MAP3K8: variants seen among roughly 807,000 people sequenced by gnomAD.
The protein encoded by MAP3K8 is Ewing sarcoma transformant.
MAP3K8 carries 22 observed loss-of-function variants against 45.8 expected under a neutral mutation model. The observed-to-expected ratio is 0.48, with a 90% CI of 0.34 to 0.69. The LOEUF (loss-of-function observed/expected upper bound fraction) is 0.69. MAP3K8 is among the 30% of genes least tolerant of loss of function. The pLI is 0.01. For synonymous variants in MAP3K8, 223 were observed against 214.3 expected (o/e 1.04, Z -0.36); for missense variants, 419 against 585.0 (o/e 0.72, Z 2.93).
chr10:30,448,111 G>A (rs1001114541), intron 4 of MAP3K8, among the ~76,000 whole-genome samples, 162 bp downstream of exon 4: 2 of 152,090 alleles, frequency 1.3e-5, no homozygotes, highest in Admixed American at 6.5e-5. Context: ...TTGGCTACTT[G>A]GGGCCATTCA....
chr10:30,441,331 AT>A (rs1324049494), intron 3 of MAP3K8, among the ~76,000 whole-genome samples: 1 of 151,832 alleles, frequency 6.6e-6, no homozygotes, highest in Non-Finnish European at 1.5e-5. Context: ...TAATTTTTGT[AT>A]GTTTAGTAGA....
chr10:30,437,367 T>C lies in MAP3K8; in HGVS notation c.-63T>C. ...CCCTGACACTGCACTGAGCACTTTA[T>C]GAGCTTGAACTCTGTTAATCCTCAC... is the stretch of plus-strand genomic sequence containing the variant. On this transcript the variant is annotated 5_prime_UTR_variant, in exon 2 of 9. It removes an upstream start codon present in the reference 5' UTR. Coordinates refer to ENST00000263056, the MANE Select transcript of MAP3K8 (RefSeq NM_005204.4). 3.2e-6 allele frequency: 3 copies of C among 943,882 alleles called. No individual in the cohort carries two copies. Among genetic ancestry groups the C allele is most frequent in the Non-Finnish European group, 3.8e-6 (3 of 791,972 alleles). The allele number at this position is 943,882 out of a possible 1,614,324, so 58.5% of individuals were successfully genotyped here. A position where few individuals can be genotyped will look rare whatever the true frequency, so the allele number is the denominator to read the frequency against.
chr10:30,458,590 T>C (rs1836829091), intron 7 of MAP3K8, among the ~76,000 whole-genome samples: 1 of 152,248 alleles, frequency 6.6e-6, no homozygotes, highest in South Asian at 2.1e-4. Flanking sequence ...ATTATTAATG[T>C]TCACACCAGT....
intron 6 of MAP3K8, among the ~76,000 whole-genome samples, chr10:30,455,996 C>T (rs1169074722): frequency 6.6e-6 from 1 of 152,148 alleles, no homozygotes; most frequent in Non-Finnish European, 1.5e-5. Flanking sequence ...ACAGATGTTC[C>T]ATCCCCCCAG....
At chr10:30,457,532 T>G (rs1836778594) in intron 6 of MAP3K8, among the ~76,000 whole-genome samples, 1 of 152,220 alleles carries the variant, frequency 6.6e-6, no homozygotes, top group Non-Finnish European at 1.5e-5. Flanking sequence ...AGTTGAAAAC[T>G]TAGCTACACC....
Position 30,459,322 on chromosome 10 carries a change from T to C in MAP3K8, c.1094T>C (p.Ile365Thr). 6.2e-7 allele frequency: 1 copy of C among 1,614,118 alleles called. No individual in the cohort carries two copies. Among genetic ancestry groups the C allele is most frequent in the Non-Finnish European group, 8.5e-7 (1 of 1,180,012 alleles). ...TGCAGTCCAGGGATGAGAGAGCTGA[T>C]AGAAGCTTCCCTGGAGAGAAACCCC... ...DDCSPGMREL[I>T]EASLERNPNH... The change falls in exon 8 of 9, where the codon ATA becomes ACA. Residue 365 changes from isoleucine to threonine, a missense_variant. This residue lies in a region of MAP3K8 where 209 missense variants were observed against 367.3 expected (regional missense o/e 0.57). Coordinates refer to ENST00000263056, the MANE Select transcript of MAP3K8 (RefSeq NM_005204.4).
At chr10:30,438,866 G>C (rs1835998865) in intron 2 of MAP3K8, 50 bp from the exon 3 acceptor site, 32 of 1,023,776 alleles carry the variant, frequency 3.1e-5, no homozygotes, top group Non-Finnish European at 4.5e-5. Flanking sequence ...CATGGGTCTT[G>C]AATGCAAATA....
rs1835940532 is a variant in MAP3K8, at chr10:30,437,175, G to A, written c.-254-1G>A. On this transcript the variant is annotated splice_acceptor_variant, in intron 1 of 8. Transcript: ENST00000263056. LOFTEE classifies it low-confidence loss of function (5UTR_SPLICE). Reference sequence around the variant, plus strand: ...TTCTCTCTCTTTATGTCTTGTTTTAGATGCAATCTTCTTACCGCGAAGAAG... The same window carrying A: ...TTCTCTCTCTTTATGTCTTGTTTTAAATGCAATCTTCTTACCGCGAAGAAG... The A allele has an allele frequency of 1.0e-6, 1 of 985,082 alleles. No homozygotes were observed. The highest frequency in any genetic ancestry group is 1.2e-6 in the Non-Finnish European group (1 of 829,878). The allele number at this position is 985,082 out of a possible 1,614,324, so 61.0% of individuals were successfully genotyped here.
At chr10:30,458,028 T>C in intron 6 of MAP3K8, 56 bp from the exon 7 acceptor site, 5 of 1,377,794 alleles carry the variant, frequency 3.6e-6, no homozygotes, top group Non-Finnish European at 4.8e-6. Context: ...ATTAGGGAAA[T>C]GGAAACCCAC....
chr10:30,453,461 A>T (rs1366507203), intron 6 of MAP3K8, among the ~76,000 whole-genome samples: 1 of 152,146 alleles, frequency 6.6e-6, no homozygotes, highest in Non-Finnish European at 1.5e-5. Flanking sequence ...GCAAAAAACG[A>T]CCCAGAAAAG....
chr10:30,450,810 G>A (rs1485737366), intron 5 of MAP3K8, among the ~76,000 whole-genome samples: 1 of 151,826 alleles, frequency 6.6e-6, no homozygotes, highest in African/African-American at 2.4e-5. Context: ...GGCTGGGCAC[G>A]GTGGCTCACG....
chr10:30,447,128 A>G (rs758417888), intron 3 of MAP3K8, among the ~76,000 whole-genome samples: 16 of 152,354 alleles, frequency 1.1e-4, no homozygotes, highest in Middle Eastern at 3.4e-3. Context: ...CTGGGAGGTC[A>G]GGGATCAGCC....
intron 1 of MAP3K8, among the ~76,000 whole-genome samples, chr10:30,436,952 C>T (rs780000610): frequency 2.6e-5 from 4 of 151,652 alleles, no homozygotes; most frequent in African/African-American, 7.3e-5. Flanking sequence ...TGCAACTAAA[C>T]GGCTCAGTAA....
At chr10:30,441,674 G>A (rs548943348) in intron 3 of MAP3K8, among the ~76,000 whole-genome samples, 13 of 152,248 alleles carry the variant, frequency 8.5e-5, no homozygotes, top group African/African-American at 2.4e-4. Context: ...GGGGGGCTGC[G>A]GTTGACTTTC....
chr10:30,452,090 T>C (rs1385228425), intron 6 of MAP3K8, among the ~76,000 whole-genome samples: 3 of 152,008 alleles, frequency 2.0e-5, no homozygotes, highest in Non-Finnish European at 2.9e-5. Context: ...TCCCAGTGCT[T>C]TGGGAGGCTG....
chr10:30,460,893 G>A lies in MAP3K8; in HGVS notation c.*57G>A. On this transcript the variant is annotated 3_prime_UTR_variant, in exon 9 of 9. Coordinates refer to ENST00000263056, the MANE Select transcript of MAP3K8 (RefSeq NM_005204.4). ...CATTGATCTCCTGGAGGCTGGTTCT[G>A]CTGCCTCTACACAGGGGCCCTGTAC... The A allele has an allele frequency of 1.2e-6, 2 of 1,600,668 alleles. No individual in the cohort carries two copies. Among genetic ancestry groups the A allele is most frequent in the Middle Eastern group, 1.8e-4 (1 of 5,684 alleles).
In MAP3K8 at chr10:30,458,273, G is replaced by T. The variant is rs201382374; in HGVS notation, c.1026+37G>T. ...TCAACCAGGGCTGGGGGCGGCGGGG[G>T]GGGGCGTTGAGTTATGCATCCCGCA... On this transcript the variant is annotated intron_variant, in intron 7 of 8. Transcript: ENST00000263056. The T allele has an allele frequency of 8.2e-4, 1,121 of 1,364,736 alleles. 52 individuals carry two copies. The African/African-American group carries it at 0.011, about 14-fold the overall frequency. The allele number at this position is 1,364,736 out of a possible 1,614,324, so 84.5% of individuals were successfully genotyped here.
chr10:30,439,333 T>C, intron 3 of MAP3K8, 59 bp downstream of exon 3: 1 of 1,599,144 alleles, frequency 6.3e-7, no homozygotes, highest in South Asian at 1.1e-5. Flanking sequence ...TGCAGCTTCA[T>C]TTAATGCAGA....
chr10:30,455,822 C>T (rs935717777), intron 6 of MAP3K8, among the ~76,000 whole-genome samples: 2 of 152,166 alleles, frequency 1.3e-5, no homozygotes, highest in African/African-American at 4.8e-5. Context: ...TGTGTTGGTC[C>T]CACCAGGGCT....
Sources: allele counts gnomAD v4.1 joint callset (sites outside exome capture counted in the v4.1 genomes callset), GRCh38; gene constraint gnomAD v4.1.1; regional missense constraint gnomAD v4.1.1; transcripts MANE v1.5; gene names NCBI Gene and HGNC (gene_info 2026-07-23, HGNC 2026-07-21).